Variants in CSNK2A2IP observed in about 807,000 individuals in gnomAD.
CSNK2A2IP encodes casein kinase 2 subunit alpha' interacting protein.
At chr3:88,464,674 G>T in the CSNK2A2IP span, among the ~76,000 whole-genome samples, 1 of 152,012 alleles carries the variant, frequency 6.6e-6, no homozygotes, top group Admixed American at 6.6e-5. Flanking sequence ...GAACTGAAAA[G>T]AAACATTTGA....
At chr3:88,350,279 T>A in the CSNK2A2IP span, among the ~76,000 whole-genome samples, 1 of 152,140 alleles carries the variant, frequency 6.6e-6, no homozygotes, top group South Asian at 2.1e-4. Context: ...TTTCCCTTTC[T>A]CTGAGTTACC....
the CSNK2A2IP span, among the ~76,000 whole-genome samples, chr3:88,402,248 A>G: frequency 6.6e-6 from 1 of 152,212 alleles, no homozygotes; most frequent in East Asian, 1.9e-4. Flanking sequence ...AAAACAATGA[A>G]CATTTAGAAA....
chr3:88,435,913 AT>A, the CSNK2A2IP span, among the ~76,000 whole-genome samples: 1 of 95,276 alleles, frequency 1.0e-5, no homozygotes, highest in Middle Eastern at 4.7e-3. Flanking sequence ...TGTGCATTAT[AT>A]ATATAATGCA....
chr3:88,440,222 T>A, the CSNK2A2IP span, among the ~76,000 whole-genome samples: 1 of 152,220 alleles, frequency 6.6e-6, no homozygotes, highest in Non-Finnish European at 1.5e-5. Flanking sequence ...AGTTTAGGGA[T>A]ACGAATGCAG....
At chr3:88,446,119 T>TTC in the CSNK2A2IP span, among the ~76,000 whole-genome samples, 1 of 147,986 alleles carries the variant, frequency 6.8e-6, no homozygotes, top group African/African-American at 2.5e-5. Context: ...TCTTTCTTTT[T>TTC]TTTCTTTCTT....
the CSNK2A2IP span, among the ~76,000 whole-genome samples, chr3:88,348,101 T>C: frequency 2.0e-5 from 3 of 152,046 alleles, no homozygotes; most frequent in Admixed American, 2.0e-4. Flanking sequence ...CTTCGCTTTA[T>C]TTCATGCTTT....
At chr3:88,367,442 G>C in the CSNK2A2IP span, among the ~76,000 whole-genome samples, 1 of 151,978 alleles carries the variant, frequency 6.6e-6, no homozygotes, top group Admixed American at 6.6e-5. Context: ...CTTAACACAT[G>C]ATGTTTTATT....
At chr3:88,344,492 G>T in the CSNK2A2IP span, among the ~76,000 whole-genome samples, 1 of 151,900 alleles carries the variant, frequency 6.6e-6, no homozygotes. Flanking sequence ...GAAGAACTGA[G>T]CCCCAGACTG....
the CSNK2A2IP span, among the ~76,000 whole-genome samples, chr3:88,439,143 A>T: frequency 3.9e-5 from 6 of 152,038 alleles, no homozygotes; most frequent in African/African-American, 1.2e-4. Context: ...AAATTTCCTC[A>T]ATTTCCAAAA....
chr3:88,351,407 T>C, the CSNK2A2IP span, among the ~76,000 whole-genome samples: 1 of 151,984 alleles, frequency 6.6e-6, no homozygotes, highest in Non-Finnish European at 1.5e-5. Flanking sequence ...TGTTAATTTC[T>C]TTTTTTCCTA....
chr3:88,461,685 C>CT, the CSNK2A2IP span, among the ~76,000 whole-genome samples: 12,096 of 152,110 alleles, frequency 0.08, 845 homozygotes, highest in East Asian at 0.21. Flanking sequence ...CCAATTATTG[C>CT]TTTTTTTAGT....
At chr3:88,398,256 A>G in the CSNK2A2IP span, among the ~76,000 whole-genome samples, 1 of 152,150 alleles carries the variant, frequency 6.6e-6, no homozygotes, top group East Asian at 1.9e-4. Context: ...TTGAACAAAA[A>G]GCTTTGATTT....
At chr3:88,350,896 C>G in the CSNK2A2IP span, among the ~76,000 whole-genome samples, 1 of 152,154 alleles carries the variant, frequency 6.6e-6, no homozygotes, top group Non-Finnish European at 1.5e-5. Flanking sequence ...TCCCAACTCT[C>G]ACCCCCAGTA....
At chr3:88,351,493 G>A in the CSNK2A2IP span, among the ~76,000 whole-genome samples, 1 of 152,044 alleles carries the variant, frequency 6.6e-6, no homozygotes, top group Admixed American at 6.6e-5. Flanking sequence ...AGTTACCCTT[G>A]ATCCCATCCC....
At chr3:88,445,597 C>T in the CSNK2A2IP span, among the ~76,000 whole-genome samples, 2 of 152,106 alleles carry the variant, frequency 1.3e-5, no homozygotes, top group Admixed American at 6.5e-5. Context: ...CTCACTCTGT[C>T]ATCCAGGCTG....
chr3:88,421,473 G>A, the CSNK2A2IP span, among the ~76,000 whole-genome samples: 2 of 152,112 alleles, frequency 1.3e-5, no homozygotes, highest in Non-Finnish European at 2.9e-5. Context: ...CTAGAGGGCA[G>A]TGGCACGGTC....
At chr3:88,386,213 C>A in the CSNK2A2IP span, among the ~76,000 whole-genome samples, 3 of 152,136 alleles carry the variant, frequency 2.0e-5, no homozygotes, top group East Asian at 5.8e-4. Context: ...CAACCTCCAT[C>A]TCCCAGGTTC....
At chr3:88,409,341 A>G in the CSNK2A2IP span, among the ~76,000 whole-genome samples, 2 of 151,970 alleles carry the variant, frequency 1.3e-5, no homozygotes, top group African/African-American at 4.8e-5. Flanking sequence ...ATTTTCTGAG[A>G]AAATGGAAGA....
chr3:88,388,028 A>G, the CSNK2A2IP span, among the ~76,000 whole-genome samples: 1 of 152,268 alleles, frequency 6.6e-6, no homozygotes, highest in African/African-American at 2.4e-5. Context: ...CTCCTTTCCC[A>G]TAGTGTTTCC....
Sources: gnomAD v4.1 joint callset for allele counts (sites outside exome capture counted in the v4.1 genomes callset) on GRCh38, gnomAD v4.1.1 for gene constraint, MANE v1.5 for transcripts, NCBI Gene and HGNC (gene_info 2026-07-23, HGNC 2026-07-21) for gene names.